The following OPA1 variants were observed in gnomAD, a reference collection of about 807,000 sequenced individuals.
The protein encoded by OPA1 is OPA1 mitochondrial dynamin like GTPase.
OPA1 carries 59 observed loss-of-function variants against 152.9 expected under a neutral mutation model. The observed-to-expected ratio is 0.39, with a 90% CI of 0.31 to 0.48. OPA1 has a LOEUF of 0.48. Among genes scored for constraint, OPA1 ranks in the 20% least tolerant of loss-of-function variants. OPA1 has a pLI of 0.96. For missense variants in OPA1, 1,008 were observed against 1,216.8 expected (o/e 0.83, Z 2.55); for synonymous variants, 400 against 389.9 (o/e 1.03, Z -0.31).
chr3:193,644,348 T>G (rs776547122), intron 16 of OPA1, among the ~76,000 whole-genome samples: 10 of 152,108 alleles, frequency 6.6e-5, no homozygotes, highest in Admixed American at 6.6e-5. Context: ...CACATTTAAT[T>G]CCTCCAGCAA....
intron 11 of OPA1, among the ~76,000 whole-genome samples, chr3:193,639,068 T>C (rs897406900): frequency 2.0e-5 from 3 of 152,132 alleles, no homozygotes; most frequent in Non-Finnish European, 2.9e-5. Flanking sequence ...GTGAAGGAGA[T>C]TGTGACTTGG....
In OPA1 at chr3:193,654,365, G is replaced by A. The variant is rs149297162; in HGVS notation, c.2013-497G>A. On this transcript the variant is annotated intron_variant, in intron 21 of 30. Transcript: ENST00000361510. ...TAAAAAATTAGCCAGGCATAATGGC[G>A]TCCACCTGTAGTCCCACCTACTCGG... 7.8e-3 allele frequency among the ~76,000 whole-genome samples: 1,185 copies of A among 151,804 alleles called. 9 individuals carry two copies. Among genetic ancestry groups the A allele is most frequent in the Non-Finnish European group, 0.01 (709 of 67,922 alleles).
At chr3:193,661,525 C>G (rs567136613) in intron 25 of OPA1, among the ~76,000 whole-genome samples, 1 of 152,292 alleles carries the variant, frequency 6.6e-6, no homozygotes, top group Non-Finnish European at 1.5e-5. Flanking sequence ...CCCTAGGTCT[C>G]ACATCGTAAG....
chr3:193,631,857 T>G, intron 8 of OPA1, 192 bp downstream of exon 8: 1 of 607,814 alleles, frequency 1.6e-6, no homozygotes, highest in Non-Finnish European at 3.0e-6. Flanking sequence ...AAGTATGGAG[T>G]TAACTCATTT....
intron 21 of OPA1, among the ~76,000 whole-genome samples, chr3:193,649,769 G>C (rs1252451239): frequency 6.6e-6 from 1 of 152,062 alleles, no homozygotes; most frequent in Non-Finnish European, 1.5e-5. Flanking sequence ...GTCCACATTT[G>C]CCTGTTTTTA....
At chr3:193,631,856 G>A in intron 8 of OPA1, 191 bp downstream of exon 8, 1 of 610,240 alleles carries the variant, frequency 1.6e-6, no homozygotes, top group Non-Finnish European at 2.9e-6. Context: ...TAAGTATGGA[G>A]TTAACTCATT....
At chr3:193,644,862 T>C (rs1734309306) in intron 16 of OPA1, among the ~76,000 whole-genome samples, 1 of 152,204 alleles carries the variant, frequency 6.6e-6, no homozygotes, top group South Asian at 2.1e-4. Context: ...AGATTCAGCA[T>C]TAGCTTAGGT....
At chr3:193,666,018 T>C (rs1252992678) in intron 27 of OPA1, among the ~76,000 whole-genome samples, 1 of 152,198 alleles carries the variant, frequency 6.6e-6, no homozygotes, top group East Asian at 1.9e-4. Flanking sequence ...TTACATACAA[T>C]GTAATGTAAT....
chr3:193,646,672 G>A (rs183400469), intron 18 of OPA1: 486 of 155,402 alleles, frequency 3.1e-3, no homozygotes, highest in South Asian at 4.3e-3. Flanking sequence ...GCTGAGGCGG[G>A]AGAATCGCTT....
intron 6 of OPA1, 109 bp downstream of exon 6, chr3:193,619,045 A>G (rs1729555486): frequency 1.2e-6 from 1 of 855,454 alleles, no homozygotes; most frequent in Non-Finnish European, 2.0e-6. Context: ...AAATACAAAA[A>G]CATCCAAGTA....
At chr3:193,599,289 A>G (rs1726094254) in intron 1 of OPA1, among the ~76,000 whole-genome samples, 1 of 152,118 alleles carries the variant, frequency 6.6e-6, no homozygotes, top group South Asian at 2.1e-4. Context: ...GTGACTCTTC[A>G]ATTGGATATT....
Position 193,658,901 on chromosome 3 carries a change from C to T in OPA1, c.2346C>T (p.His782=), listed in dbSNP as rs777686152. The stretch of plus-strand genomic sequence containing the variant: ...GTTATTTTCAGAGGGTTATTCAACA[C>T]AATGCTTTGGAAGACCGATCCATAT... ...FAEDSLRVIQ[H]NALEDRSISD... Residue 782 remains histidine, a synonymous_variant, in exon 24 of 31, where the codon CAC becomes CAT. Coordinates refer to ENST00000361510, the MANE Select transcript of OPA1 (RefSeq NM_130837.3). 7.4e-6 allele frequency: 12 copies of T among 1,612,964 alleles called. No individual in the cohort carries two copies. The African/African-American group carries it at 1.6e-4, about 22-fold the overall frequency.
At chr3:193,643,827 TCGGC>T in intron 15 of OPA1, 144 bp from the exon 16 acceptor site, 1 of 989,896 alleles carries the variant, frequency 1.0e-6, no homozygotes, top group Non-Finnish European at 1.5e-6. Flanking sequence ...GAAATTTTTA[TCGGC>T]TAGGATTTCT....
intron 22 of OPA1, among the ~76,000 whole-genome samples, chr3:193,656,630 C>A (rs1413343900): frequency 6.6e-6 from 1 of 152,108 alleles, no homozygotes; most frequent in Non-Finnish European, 1.5e-5. Flanking sequence ...AGACTCATGT[C>A]TTAGAGGTTG....
chr3:193,654,778 A>G (rs527481119), intron 21 of OPA1, 84 bp from the exon 22 acceptor site: 4 of 1,379,866 alleles, frequency 2.9e-6, no homozygotes, highest in Admixed American at 1.9e-5. Context: ...ACAGTTTATT[A>G]TAAGTTAATG....
At chr3:193,670,328 G>A (rs1248172161) in intron 29 of OPA1, among the ~76,000 whole-genome samples, 1 of 151,516 alleles carries the variant, frequency 6.6e-6, no homozygotes, top group East Asian at 1.9e-4. Context: ...TCATATTTTT[G>A]CCAGTTTTAA....
intron 29 of OPA1, among the ~76,000 whole-genome samples, chr3:193,689,861 G>A (rs13068219): frequency 0.43 from 65,472 of 151,878 alleles, 14,366 homozygotes; most frequent in Non-Finnish European, 0.43. Flanking sequence ...TGAGATTCCC[G>A]TGTGTTGTGT....
At chr3:193,605,197 A>C (rs1337126330) in intron 1 of OPA1, among the ~76,000 whole-genome samples, 1 of 152,242 alleles carries the variant, frequency 6.6e-6, no homozygotes, top group Admixed American at 6.5e-5. Flanking sequence ...GGCTGAGCCA[A>C]GATCTATTAC....
intron 30 of OPA1, among the ~76,000 whole-genome samples, chr3:193,692,624 A>G (rs1421489962): frequency 1.3e-5 from 2 of 152,234 alleles, no homozygotes; most frequent in Admixed American, 6.5e-5. Context: ...TAGCCTTAGA[A>G]TTTAGTACTC....
Sources: allele counts gnomAD v4.1 joint callset (sites outside exome capture counted in the v4.1 genomes callset), GRCh38; gene constraint gnomAD v4.1.1; transcripts MANE v1.5; gene names NCBI Gene and HGNC (gene_info 2026-07-23, HGNC 2026-07-21).